The following BABAM2 variants were observed in gnomAD, a reference collection of about 807,000 sequenced individuals.
BABAM2 encodes BRISC and BRCA1-A complex member 2.
BABAM2 carries 31 observed loss-of-function variants against 54.7 expected under a neutral mutation model. The observed-to-expected ratio is 0.57, with a 90% CI of 0.43 to 0.77. The LOEUF (loss-of-function observed/expected upper bound fraction) is 0.77, where lower values mean the gene tolerates loss of function less well. BABAM2 is among the 30% of genes least tolerant of loss of function. The pLI is 0.00. For missense variants in BABAM2, 364 were observed against 455.8 expected, an observed-to-expected ratio of 0.80 and a Z score of 1.83; for synonymous variants, 167 against 162.9, an observed-to-expected ratio of 1.03 and a Z score of -0.19.
intron 10 of BABAM2, among the ~76,000 whole-genome samples, chr2:28,273,746 T>C (rs1219474248): frequency 6.6e-6 from 1 of 152,026 alleles, no homozygotes; most frequent in Admixed American, 6.6e-5. Context: ...AACAGCTTCA[T>C]GGGTAAATCT....
At chr2:28,319,940 G>T (rs1210966463) in intron 11 of BABAM2, among the ~76,000 whole-genome samples, 1 of 152,184 alleles carries the variant, frequency 6.6e-6, no homozygotes, top group Admixed American at 6.5e-5. Context: ...CCACTGCGCA[G>T]TGTGTGCTGT....
At chr2:27,985,332 C>T (rs1421874724) in intron 3 of BABAM2, among the ~76,000 whole-genome samples, 1 of 152,150 alleles carries the variant, frequency 6.6e-6, no homozygotes, top group Admixed American at 6.5e-5. Context: ...TACAAGTTTA[C>T]ATTCCCACCA....
chr2:28,250,052 A>C (rs1194436274), intron 10 of BABAM2, among the ~76,000 whole-genome samples: 1 of 152,250 alleles, frequency 6.6e-6, no homozygotes, highest in Non-Finnish European at 1.5e-5. Context: ...GGCTATGAAT[A>C]GAGAATAAGA....
chr2:27,970,205 A>G (rs1386204394), intron 3 of BABAM2, among the ~76,000 whole-genome samples: 1 of 152,180 alleles, frequency 6.6e-6, no homozygotes, highest in East Asian at 1.9e-4. Flanking sequence ...TCTTCAATGA[A>G]GTCATCTGTT....
At chr2:28,114,100 G>T (rs1378857634) in intron 6 of BABAM2, among the ~76,000 whole-genome samples, 1 of 152,168 alleles carries the variant, frequency 6.6e-6, no homozygotes, top group African/African-American at 2.4e-5. Context: ...CATTCCCTTT[G>T]AAAACTAGCA....
intron 7 of BABAM2, among the ~76,000 whole-genome samples, chr2:28,231,371 C>T (rs929005967): frequency 6.6e-6 from 1 of 152,106 alleles, no homozygotes; most frequent in African/African-American, 2.4e-5. Flanking sequence ...GTACCCTAGT[C>T]GTGTGTTCAG....
At chr2:28,335,042 T>C (rs1374210174) in intron 11 of BABAM2, among the ~76,000 whole-genome samples, 1 of 152,200 alleles carries the variant, frequency 6.6e-6, no homozygotes, top group Non-Finnish European at 1.5e-5. Context: ...AGGGTGCTTT[T>C]TCTTACTAAC....
At chr2:28,172,951 G>T (rs1674517806) in intron 7 of BABAM2, among the ~76,000 whole-genome samples, 1 of 152,178 alleles carries the variant, frequency 6.6e-6, no homozygotes, top group South Asian at 2.1e-4. Context: ...TTGGTTTCTG[G>T]TGCAGCCTCT....
chr2:28,305,367 A>G (rs977807980), intron 11 of BABAM2, among the ~76,000 whole-genome samples: 1 of 152,204 alleles, frequency 6.6e-6, no homozygotes, highest in African/African-American at 2.4e-5. Flanking sequence ...ATGTTGAACC[A>G]ACCTTGCATT....
intron 3 of BABAM2, among the ~76,000 whole-genome samples, chr2:27,972,745 TTTAA>T (rs1671306193): frequency 6.6e-6 from 1 of 150,728 alleles, no homozygotes; most frequent in Admixed American, 6.7e-5. Flanking sequence ...GTTACATAAC[TTTAA>T]TTTATTATTA....
intron 6 of BABAM2, among the ~76,000 whole-genome samples, chr2:28,054,510 G>A (rs1260309923): frequency 6.6e-6 from 1 of 152,144 alleles, no homozygotes. Flanking sequence ...CAAGGTGATG[G>A]TATTAGGAGT....
intron 2 of BABAM2, among the ~76,000 whole-genome samples, chr2:27,909,449 CT>C (rs749402541): frequency 2.6e-5 from 4 of 152,022 alleles, no homozygotes; most frequent in Non-Finnish European, 4.4e-5. Context: ...TTTTTGGGTT[CT>C]GAATATCAGT....
In BABAM2 at chr2:28,196,520, G is replaced by C. The variant is rs539548206; in HGVS notation, c.681-40682G>C. Among the ~76,000 whole-genome samples, 101 of 151,792 alleles carry C rather than the reference G, an allele frequency of 6.7e-4. 1 individual carries two copies. Among genetic ancestry groups the C allele is most frequent in the African/African-American group, 2.3e-3 (96 of 41,370 alleles). ...TTCTCACCTCAGTTTCTTCATCTTT[G>C]AATTGACACACCAGTTTATCAATGA... is the stretch of plus-strand genomic sequence containing the variant. On this transcript the variant is annotated intron_variant, in intron 7 of 11. Transcript: ENST00000379624.
chr2:28,119,423 C>G (rs996105421), intron 6 of BABAM2, among the ~76,000 whole-genome samples: 11 of 152,144 alleles, frequency 7.2e-5, no homozygotes, highest in East Asian at 1.9e-4. Flanking sequence ...AGTAGGGGCT[C>G]CATTTCACAC....
At chr2:28,261,348 G>T (rs1321999103) in intron 10 of BABAM2, among the ~76,000 whole-genome samples, 2 of 144,112 alleles carry the variant, frequency 1.4e-5, no homozygotes, top group African/African-American at 5.1e-5. Flanking sequence ...TTTTTTTGAG[G>T]CGGAGTCTTG....
chr2:27,901,351 A>C (rs746571447), intron 2 of BABAM2, among the ~76,000 whole-genome samples: 1 of 152,212 alleles, frequency 6.6e-6, no homozygotes, highest in Non-Finnish European at 1.5e-5. Flanking sequence ...GAGAGGGCTC[A>C]CTGCAACCTG....
chr2:28,167,369 A>T (rs968005501), intron 7 of BABAM2, among the ~76,000 whole-genome samples: 2 of 152,220 alleles, frequency 1.3e-5, no homozygotes, highest in Non-Finnish European at 2.9e-5. Context: ...ATTTATTTCT[A>T]AATCTTTATT....
intron 6 of BABAM2, among the ~76,000 whole-genome samples, chr2:28,063,955 A>G (rs1679109766): frequency 6.6e-6 from 1 of 152,174 alleles, no homozygotes; most frequent in African/African-American, 2.4e-5. Flanking sequence ...TGTATGTGGC[A>G]GGGCCTGGAT....
intron 6 of BABAM2, among the ~76,000 whole-genome samples, chr2:28,112,689 G>C (rs142617187): frequency 0.014 from 2,083 of 152,300 alleles, 43 homozygotes; most frequent in African/African-American, 0.047. Context: ...TGTCTTTATA[G>C]TAAAATGATT....
Sources: allele counts gnomAD v4.1 joint callset (sites outside exome capture counted in the v4.1 genomes callset), GRCh38; gene constraint gnomAD v4.1.1; transcripts MANE v1.5; gene names NCBI Gene and HGNC (gene_info 2026-07-23, HGNC 2026-07-21).